RORA: variants seen among roughly 807,000 people sequenced by gnomAD.
The protein encoded by RORA is RAR related orphan receptor A.
Under a neutral mutation model 69.5 loss-of-function variants are expected in RORA, and 7 were observed. That is an observed-to-expected ratio of 0.10 (90% CI 0.06 to 0.19). The LOEUF is 0.19. Ranked by LOEUF, RORA falls within the 10% of genes least tolerant of loss-of-function variation. RORA has a pLI of 1.00. For synonymous variants in RORA, 261 were observed against 240.8 expected, an observed-to-expected ratio of 1.08 and a Z score of -0.78; for missense variants, 457 against 663.0, an observed-to-expected ratio of 0.69 and a Z score of 3.41.
intron 1 of RORA, among the ~76,000 whole-genome samples, chr15:61,086,586 A>T (rs2078628211): frequency 6.6e-6 from 1 of 152,158 alleles, no homozygotes; most frequent in South Asian, 2.1e-4. Flanking sequence ...ATTTTGAGTC[A>T]AAATTTTACT....
intron 3 of RORA, among the ~76,000 whole-genome samples, chr15:60,517,343 C>T (rs568998375): frequency 6.6e-6 from 1 of 152,136 alleles, no homozygotes; most frequent in East Asian, 1.9e-4. Flanking sequence ...TTGACATGGG[C>T]AAGGCTGGGG....
intron 1 of RORA, among the ~76,000 whole-genome samples, chr15:61,091,197 G>A (rs2078701497): frequency 6.6e-6 from 1 of 152,140 alleles, no homozygotes; most frequent in Non-Finnish European, 1.5e-5. Context: ...TGTTGCCGTT[G>A]AATTACGCTG....
intron 1 of RORA, among the ~76,000 whole-genome samples, chr15:61,042,004 G>A (rs1896796786): frequency 6.6e-6 from 1 of 152,136 alleles, no homozygotes; most frequent in Admixed American, 6.5e-5. Flanking sequence ...CAGAGCTGGG[G>A]CTGGAACCTG....
At chr15:60,847,728 C>T (rs551865248) in intron 1 of RORA, 3 of 151,938 alleles carry the variant, frequency 2.0e-5, no homozygotes, top group East Asian at 1.9e-4. Context: ...ATTGATACCA[C>T]GTTGAAATGA....
intron 1 of RORA, among the ~76,000 whole-genome samples, chr15:61,221,839 T>G (rs1487829247): frequency 6.6e-6 from 1 of 152,008 alleles, no homozygotes; most frequent in Non-Finnish European, 1.5e-5. Flanking sequence ...AGAAACTTCC[T>G]AATTGTTTCA....
intron 1 of RORA, among the ~76,000 whole-genome samples, chr15:61,025,459 G>A (rs952867350): frequency 6.6e-6 from 1 of 152,116 alleles, no homozygotes; most frequent in African/African-American, 2.4e-5. Flanking sequence ...TTATTTTCTG[G>A]GAGCTGTTGT....
At chr15:60,514,824 G>A in intron 3 of RORA, 67 bp from the exon 4 acceptor site, 1 of 1,278,688 alleles carries the variant, frequency 7.8e-7, no homozygotes, top group Non-Finnish European at 1.1e-6. Context: ...CTAAAGGCAG[G>A]ATGCTAAGCA....
chr15:61,034,713 G>GA (rs143241897), intron 1 of RORA, among the ~76,000 whole-genome samples: 31,720 of 132,170 alleles, frequency 0.24, 3,906 homozygotes, highest in African/African-American at 0.37. Context: ...CAAGTTCAAG[G>GA]AAAAAAAAAA....
chr15:61,132,513 G>A (rs951037243), intron 1 of RORA, among the ~76,000 whole-genome samples: 13 of 152,042 alleles, frequency 8.6e-5, no homozygotes, highest in Non-Finnish European at 1.6e-4. Context: ...TATTTTTATA[G>A]TAATCACAAG....
At chr15:61,005,314 T>C in intron 1 of RORA, among the ~76,000 whole-genome samples, 1 of 152,010 alleles carries the variant, frequency 6.6e-6, no homozygotes, top group Non-Finnish European at 1.5e-5. Flanking sequence ...ACACCACCTT[T>C]ACTAAAAATA....
intron 1 of RORA, among the ~76,000 whole-genome samples, chr15:60,734,473 G>C (rs948054306): frequency 2.0e-5 from 3 of 152,180 alleles, no homozygotes; most frequent in African/African-American, 7.2e-5. Flanking sequence ...TCAGTTTTGA[G>C]AGCTTGAGAG....
At chr15:60,947,688 TAAAAAA>T (rs35887206) in intron 1 of RORA, among the ~76,000 whole-genome samples, 18,576 of 102,986 alleles carry the variant, frequency 0.18, 1,314 homozygotes, top group Middle Eastern at 0.28. Context: ...GAATGATCAA[TAAAAAA>T]AAAAAAAAAA....
At chr15:60,951,845 G>A (rs914216915) in intron 1 of RORA, among the ~76,000 whole-genome samples, 1 of 151,866 alleles carries the variant, frequency 6.6e-6, no homozygotes, top group African/African-American at 2.4e-5. Flanking sequence ...ATTCACAGCC[G>A]AATTCTATCA....
At chr15:60,516,149 A>ATATATATATATTTATATATATATT (rs1261606372) in intron 3 of RORA, among the ~76,000 whole-genome samples, 1 of 34,804 alleles carries the variant, frequency 2.9e-5, no homozygotes, top group African/African-American at 9.0e-5. Context: ...ATATATATTT[A>ATATATATATATTTATATATATATT]TATATATATA....
chr15:60,859,290 C>T (rs1259775199), intron 1 of RORA, among the ~76,000 whole-genome samples: 2 of 152,022 alleles, frequency 1.3e-5, no homozygotes. Flanking sequence ...CATCTGTTCA[C>T]CTTTGTGTTC....
At chr15:61,186,388 C>A (rs2079741757) in intron 1 of RORA, among the ~76,000 whole-genome samples, 1 of 151,928 alleles carries the variant, frequency 6.6e-6, no homozygotes, top group South Asian at 2.1e-4. Context: ...TGCCTGTAAT[C>A]CCAGCACTTT....
At chr15:61,197,865 C>G (rs958752687) in intron 1 of RORA, among the ~76,000 whole-genome samples, 2 of 148,742 alleles carry the variant, frequency 1.3e-5, no homozygotes, top group Non-Finnish European at 3.0e-5. Context: ...GGGAAGAGCC[C>G]ACCACCACAC....
At chr15:60,518,906 G>A (rs886414581) in intron 3 of RORA, among the ~76,000 whole-genome samples, 5 of 152,104 alleles carry the variant, frequency 3.3e-5, no homozygotes, top group Non-Finnish European at 7.3e-5. Flanking sequence ...TGCTTTCCTC[G>A]TTTCAGTTAC....
chr15:61,103,154 G>C (rs2078903937), intron 1 of RORA, among the ~76,000 whole-genome samples: 1 of 152,190 alleles, frequency 6.6e-6, no homozygotes, highest in African/African-American at 2.4e-5. Flanking sequence ...AGAAAGCAAT[G>C]TTGTAAGCAA....
Sources: allele counts gnomAD v4.1 joint callset (sites outside exome capture counted in the v4.1 genomes callset), GRCh38; gene constraint gnomAD v4.1.1; transcripts MANE v1.5; gene names NCBI Gene and HGNC (gene_info 2026-07-23, HGNC 2026-07-21).